The following NKAIN3 variants were observed in gnomAD, a reference collection of about 807,000 sequenced individuals.
NKAIN3 encodes the protein sodium/potassium-transporting ATPase subunit beta-1-interacting protein 3.
NKAIN3 carries 25 observed loss-of-function variants against 30.2 expected under a neutral mutation model. The observed-to-expected ratio is 0.83, with a 90% CI of 0.60 to 1.16. The LOEUF is 1.16. Ranked by LOEUF, NKAIN3 falls within the 50% of genes most tolerant of loss-of-function variation. The pLI is 0.00. For synonymous variants in NKAIN3, 91 were observed against 89.6 expected (o/e 1.02, Z -0.09); for missense variants, 225 against 254.1 (o/e 0.89, Z 0.78).
At chr8:62,371,169 C>T (rs1377346415) in intron 1 of NKAIN3, among the ~76,000 whole-genome samples, 3 of 151,846 alleles carry the variant, frequency 2.0e-5, no homozygotes, top group Non-Finnish European at 3.0e-5. Context: ...AAGCCAAGTT[C>T]AGACAACATA....
chr8:62,734,949 G>A (rs1478340296), intron 3 of NKAIN3, among the ~76,000 whole-genome samples: 1 of 152,112 alleles, frequency 6.6e-6, no homozygotes, highest in Non-Finnish European at 1.5e-5. Context: ...TCTGGCTTGT[G>A]CGGTTTCTGC....
intron 2 of NKAIN3, among the ~76,000 whole-genome samples, chr8:62,583,480 T>C (rs1341515570): frequency 1.3e-5 from 2 of 152,202 alleles, no homozygotes; most frequent in Non-Finnish European, 2.9e-5. Flanking sequence ...GCAACAAATT[T>C]GTGTGAAAGC....
chr8:62,603,762 A>G (rs1351980368), intron 3 of NKAIN3, among the ~76,000 whole-genome samples: 1 of 152,038 alleles, frequency 6.6e-6, no homozygotes, highest in African/African-American at 2.4e-5. Flanking sequence ...TGTACCAGCT[A>G]CCTTAGCATA....
chr8:62,545,067 A>C (rs1244970361), intron 1 of NKAIN3, among the ~76,000 whole-genome samples: 1 of 152,088 alleles, frequency 6.6e-6, no homozygotes. Context: ...CTGTCTTGGG[A>C]ACTGAGTTGA....
intron 4 of NKAIN3, among the ~76,000 whole-genome samples, chr8:62,891,159 G>A (rs1821286157): frequency 6.6e-6 from 1 of 152,154 alleles, no homozygotes; most frequent in Non-Finnish European, 1.5e-5. Context: ...ACTGGGAGAG[G>A]CAGACCCACC....
rs148252933 is a variant in NKAIN3, at chr8:62,751,739, AATAT to A, written c.471+4614_471+4617del. Among the ~76,000 whole-genome samples the A allele has an allele frequency of 5.1e-3, 777 of 152,230 alleles. 9 individuals are homozygous for A. Among genetic ancestry groups the A allele is most frequent in the African/African-American group, 0.017 (725 of 41,500 alleles). ...TGCATATATATACTATAGCGAGTAT[AATAT>A]ATAGATAGTATGTGTTACATATTAT... On this transcript the variant is annotated intron_variant, in intron 4 of 6. Transcript: ENST00000623646.
chr8:62,856,205 G>A lies in NKAIN3; in HGVS notation c.472-62248G>A, dbSNP rs542701017. On this transcript the variant is annotated intron_variant, in intron 4 of 6. Coordinates refer to ENST00000623646, the MANE Select transcript of NKAIN3 (RefSeq NM_001304533.3). ...CAAACTTCCTGTATTTGTATTAAAT[G>A]TCTGGGTCTTGGTTTTCACTGGTTC... 614 of 794,494 alleles carry A rather than the reference G, an allele frequency of 7.7e-4. 3 individuals carry two copies. The highest frequency in any genetic ancestry group is 2.2e-3 in the Admixed American group (125 of 58,058). 49.2% of individuals were successfully genotyped at this position (794,494 alleles called of 1,614,324 possible).
chr8:62,645,762 C>G (rs1812441132), intron 3 of NKAIN3, among the ~76,000 whole-genome samples: 1 of 152,120 alleles, frequency 6.6e-6, no homozygotes. Flanking sequence ...CTTTCATCCT[C>G]AGCTACTGCT....
At chr8:62,388,627 C>T (rs949605863) in intron 1 of NKAIN3, among the ~76,000 whole-genome samples, 21 of 152,184 alleles carry the variant, frequency 1.4e-4, no homozygotes, top group Non-Finnish European at 1.6e-4. Context: ...TGATCTAAAA[C>T]GACCATGTTT....
At chr8:62,780,344 A>G (rs913377116) in intron 4 of NKAIN3, among the ~76,000 whole-genome samples, 3 of 152,104 alleles carry the variant, frequency 2.0e-5, no homozygotes, top group African/African-American at 4.8e-5. Flanking sequence ...AGATTTATCA[A>G]TGAATTACAC....
chr8:62,402,788 T>A (rs962351592), intron 1 of NKAIN3, among the ~76,000 whole-genome samples: 1 of 152,126 alleles, frequency 6.6e-6, no homozygotes, highest in Non-Finnish European at 1.5e-5. Context: ...ACTAATACAG[T>A]AAATTGGTAC....
In NKAIN3 at chr8:62,747,040, G is replaced by A; in HGVS notation, c.382G>A (p.Asp128Asn). 6.2e-7 allele frequency: 1 copy of A among 1,613,698 alleles called. No individual in the cohort carries two copies. The highest frequency in any genetic ancestry group is 1.7e-4 in the Middle Eastern group (1 of 6,058). Residue 128 changes from aspartate (D) to asparagine (N), a missense_variant, in exon 4 of 7, where the codon GAC becomes AAC. Transcript: ENST00000623646. ...VLPPSAHGMM[D>N]DYTYVSVTGC... ...GCCTCCCTCAGCCCATGGCATGATG[G>A]ACGATTACACGTACGTCTCTGTCAC...
intron 5 of NKAIN3, among the ~76,000 whole-genome samples, chr8:62,997,967 T>C (rs532433909): frequency 3.0e-4 from 45 of 152,202 alleles, no homozygotes; most frequent in African/African-American, 9.9e-4. Flanking sequence ...GAGGTTTGAG[T>C]TGGAATCAAG....
At chr8:62,314,341 A>G (rs1814543895) in intron 1 of NKAIN3, among the ~76,000 whole-genome samples, 1 of 152,186 alleles carries the variant, frequency 6.6e-6, no homozygotes, top group South Asian at 2.1e-4. Context: ...CTACAGTTAC[A>G]GCCTGTGTAA....
chr8:62,544,521 C>A (rs1808947781), intron 1 of NKAIN3, among the ~76,000 whole-genome samples: 1 of 152,064 alleles, frequency 6.6e-6, no homozygotes, highest in Admixed American at 6.6e-5. Flanking sequence ...TTTAAGGCCT[C>A]ATTTTTCATT....
chr8:62,696,484 A>G (rs1029512998), intron 3 of NKAIN3, among the ~76,000 whole-genome samples: 1 of 152,220 alleles, frequency 6.6e-6, no homozygotes, highest in Non-Finnish European at 1.5e-5. Flanking sequence ...TTCTAATTAT[A>G]TCTCGGACTT....
chr8:62,713,423 C>T (rs1814789451), intron 3 of NKAIN3, among the ~76,000 whole-genome samples: 1 of 152,182 alleles, frequency 6.6e-6, no homozygotes, highest in South Asian at 2.1e-4. Context: ...TCTCTTTCCT[C>T]CTCCAGTAAT....
intron 1 of NKAIN3, among the ~76,000 whole-genome samples, chr8:62,317,084 G>A (rs1387528807): frequency 1.3e-5 from 2 of 152,186 alleles, no homozygotes; most frequent in Non-Finnish European, 2.9e-5. Context: ...CTTTTGAGAA[G>A]TGTCTGTTCA....
chr8:62,906,495 A>G (rs1444853374), intron 4 of NKAIN3, among the ~76,000 whole-genome samples: 1 of 152,192 alleles, frequency 6.6e-6, no homozygotes, highest in Non-Finnish European at 1.5e-5. Flanking sequence ...GCAGTATTGT[A>G]GAACCTGTGT....
Sources: allele counts gnomAD v4.1 joint callset (sites outside exome capture counted in the v4.1 genomes callset), GRCh38; gene constraint gnomAD v4.1.1; transcripts MANE v1.5; gene names NCBI Gene and HGNC (gene_info 2026-07-23, HGNC 2026-07-21).